FBXO21: variants seen among roughly 807,000 people sequenced by gnomAD.
FBXO21 encodes F-box only protein 21.
In FBXO21, 32 loss-of-function variants were observed where a neutral mutation model predicts 76.6. The observed-to-expected ratio is 0.42, with a 90% CI of 0.32 to 0.56. FBXO21 has a LOEUF of 0.56. FBXO21 is among the 20% of genes least tolerant of loss of function. FBXO21 has a pLI of 0.16. For missense variants in FBXO21, 586 were observed against 797.3 expected, an observed-to-expected ratio of 0.73 and a Z score of 3.19; for synonymous variants, 328 against 311.5, an observed-to-expected ratio of 1.05 and a Z score of -0.56.
At position 117,190,155 on chromosome 12, in the gene FBXO21, T is replaced by A. The variant is rs867910872; in HGVS notation, c.239+63A>T. On this transcript the variant is annotated intron_variant, in intron 1 of 11. Transcript: ENST00000622495. ...GGCCGCGGGGAGCTAGCGGGGCGGC[T>A]GCCCGGCCCCGGGGGGCGCGGGGCG... 1.8e-4 allele frequency: 168 copies of A among 919,264 alleles called. No individual in the cohort carries two copies. The Middle Eastern group carries it at 4.0e-3, about 22-fold the overall frequency. 56.9% of individuals were successfully genotyped at this position (919,264 alleles called of 1,614,324 possible).
At chr12:117,161,435 G>A (rs1357900265) in intron 9 of FBXO21, among the ~76,000 whole-genome samples, 6 of 152,000 alleles carry the variant, frequency 3.9e-5, no homozygotes, top group African/African-American at 1.4e-4. Flanking sequence ...GGTCTTCAAG[G>A]CAACAGGGGA....
intron 9 of FBXO21, among the ~76,000 whole-genome samples, chr12:117,159,884 T>C (rs1338905862): frequency 6.6e-6 from 1 of 152,202 alleles, no homozygotes; most frequent in Non-Finnish European, 1.5e-5. Flanking sequence ...CCACCTTCGC[T>C]GGATGTGTGG....
chr12:117,156,454 T>A (rs1263883806), intron 10 of FBXO21, among the ~76,000 whole-genome samples: 1 of 152,204 alleles, frequency 6.6e-6, no homozygotes, highest in Non-Finnish European at 1.5e-5. Context: ...TCTCATTAGA[T>A]ACTGCATGAA....
At position 117,155,852 on chromosome 12, in the gene FBXO21, G is replaced by A. The variant is rs1168658448; in HGVS notation, c.1614C>T (p.Gly538=). Reference sequence around the variant, plus strand: ...GCACGTTATAGAAAGGCTGGTGGTGGCCGTGCGGCAGGCTGTGGACGTTCA... The same window carrying A: ...GCACGTTATAGAAAGGCTGGTGGTGACCGTGCGGCAGGCTGTGGACGTTCA... ...RNMNVHSLPH[G]HHQPFYNVLV... is the part of the protein sequence containing the mutation. The change falls in exon 11 of 12, where the codon GGC becomes GGT. Residue 538 remains glycine (G), a synonymous_variant. Transcript: ENST00000622495. The A allele has an allele frequency of 6.2e-7, 1 of 1,614,200 alleles. No homozygotes were observed. Among genetic ancestry groups the A allele is most frequent in the East Asian group, 2.2e-5 (1 of 44,886 alleles).
intron 11 of FBXO21, among the ~76,000 whole-genome samples, chr12:117,147,674 C>A (rs1389224820): frequency 1.3e-5 from 2 of 152,000 alleles, no homozygotes; most frequent in Non-Finnish European, 2.9e-5. Context: ...CCCAGAACAC[C>A]TGGAACAAGG....
chr12:117,155,699 T>A, intron 11 of FBXO21, 92 bp downstream of exon 11: 2 of 1,386,466 alleles, frequency 1.4e-6, no homozygotes, highest in South Asian at 2.7e-5. Context: ...AAGGAACCGA[T>A]GGCCCACGCC....
At chr12:117,177,686 G>C (rs2135878225) in intron 3 of FBXO21, 45 bp from the exon 4 acceptor site, 1 of 1,582,804 alleles carries the variant, frequency 6.3e-7, no homozygotes, top group Middle Eastern at 1.7e-4. Flanking sequence ...AAAACTTTCA[G>C]TTATCTATTT....
At chr12:117,167,415 C>T (rs184235106) in intron 7 of FBXO21, among the ~76,000 whole-genome samples, 62 of 152,260 alleles carry the variant, frequency 4.1e-4, no homozygotes, top group African/African-American at 1.4e-3. Flanking sequence ...AGCAGGTAAC[C>T]GTCTGTGGAT....
chr12:117,161,946 G>A (rs887870099), intron 9 of FBXO21, among the ~76,000 whole-genome samples: 4 of 152,186 alleles, frequency 2.6e-5, no homozygotes, highest in South Asian at 2.1e-4. Flanking sequence ...ATTTATCAAC[G>A]AGGAGAATGG....
intron 11 of FBXO21, among the ~76,000 whole-genome samples, chr12:117,149,711 CAGCCCTGT>C (rs1363254156): frequency 1.3e-5 from 2 of 152,252 alleles, no homozygotes; most frequent in African/African-American, 4.8e-5. Flanking sequence ...TCCAGAGACC[CAGCCCTGT>C]GTTTCAGCAT....
At chr12:117,147,957 C>T (rs11831689) in intron 11 of FBXO21, among the ~76,000 whole-genome samples, 11,840 of 152,286 alleles carry the variant, frequency 0.078, 622 homozygotes, top group East Asian at 0.15. Context: ...ACCAGTAAGG[C>T]CAACGATGGG....
At position 117,158,035 on chromosome 12, in the gene FBXO21, G is replaced by C; in HGVS notation, c.1355C>G (p.Thr452Ser). 1 of 1,614,248 alleles carries C rather than the reference G, an allele frequency of 6.2e-7. No homozygotes were observed. Among genetic ancestry groups the C allele is most frequent in the Admixed American group, 1.7e-5 (1 of 60,030 alleles). The change falls in exon 10 of 12, where the codon ACC becomes AGC. Residue 452 changes from threonine (T) to serine (S), a missense_variant. By Grantham distance (58) the Thr-to-Ser change is moderately conservative. Transcript: ENST00000622495. ...KVLDILQHIQTLDPGQHGAVG... is the reference protein window; with the variant it reads ...KVLDILQHIQSLDPGQHGAVG... ...CGCCCCGTGCTGCCCCGGGTCTAGGGTTTGGATGTGCTGGAGGATGTCAAG... is the reference window on the plus strand; with the variant it reads ...CGCCCCGTGCTGCCCCGGGTCTAGGCTTTGGATGTGCTGGAGGATGTCAAG...
Position 117,190,364 on chromosome 12 carries a change from G to A in FBXO21, c.93C>T (p.Val31=). The A allele has an allele frequency of 6.5e-7, 1 of 1,529,742 alleles. No homozygotes were observed. The highest frequency in any genetic ancestry group is 8.7e-7 in the Non-Finnish European group (1 of 1,148,008). The allele number at this position is 1,529,742 out of a possible 1,614,324, so 94.8% of individuals were successfully genotyped here. Residue 31 remains valine (V), a synonymous_variant, in exon 1 of 12, where the codon GTC becomes GTT. Coordinates refer to ENST00000622495, the MANE Select transcript of FBXO21 (RefSeq NM_015002.3). ...ACTCCAGCACCTCACCCGGCAGGTT[G>A]ACGAGGCAGCTGAGGCCCGCTACCT... The part of the protein sequence containing the change: ...APEVAGLSCL[V]NLPGEVLEYI...
chr12:117,176,635 C>T (rs1956176778), intron 4 of FBXO21, among the ~76,000 whole-genome samples: 1 of 152,116 alleles, frequency 6.6e-6, no homozygotes, highest in Admixed American at 6.6e-5. Context: ...GCAAGTATTA[C>T]TCAGAAAGTT....
intron 9 of FBXO21, among the ~76,000 whole-genome samples, chr12:117,159,475 C>G (rs537328442): frequency 2.6e-5 from 4 of 152,212 alleles, no homozygotes; most frequent in African/African-American, 9.6e-5. Context: ...CTAGCAAGAG[C>G]AGGAGCATTT....
At chr12:117,189,087 C>T in intron 2 of FBXO21, 140 bp downstream of exon 2, 2 of 917,094 alleles carry the variant, frequency 2.2e-6, no homozygotes, top group Non-Finnish European at 1.7e-6. Context: ...CACAATGACT[C>T]TTGCAGCCAT....
intron 4 of FBXO21, among the ~76,000 whole-genome samples, chr12:117,175,929 C>CA (rs1177569135): frequency 6.6e-6 from 1 of 152,116 alleles, no homozygotes; most frequent in Non-Finnish European, 1.5e-5. Context: ...ACATAAGCTA[C>CA]AAAAAAATAT....
At chr12:117,187,773 T>C (rs1307766789) in intron 2 of FBXO21, among the ~76,000 whole-genome samples, 3 of 152,236 alleles carry the variant, frequency 2.0e-5, no homozygotes, top group Non-Finnish European at 4.4e-5. Context: ...TCATAGTCCA[T>C]GACCAACTGC....
intron 11 of FBXO21, among the ~76,000 whole-genome samples, chr12:117,151,278 A>C (rs1422458751): frequency 2.6e-5 from 4 of 152,178 alleles, no homozygotes; most frequent in Non-Finnish European, 5.9e-5. Flanking sequence ...GAAAGTATCA[A>C]AGCGCGCCCC....
Sources: gnomAD v4.1 joint callset for allele counts (sites outside exome capture counted in the v4.1 genomes callset) on GRCh38, gnomAD v4.1.1 for gene constraint, MANE v1.5 for transcripts, NCBI Gene and HGNC (gene_info 2026-07-23, HGNC 2026-07-21) for gene names.